Variants in KLB observed in about 807,000 individuals in gnomAD.
KLB encodes klotho beta.
Under a neutral mutation model 88.4 loss-of-function variants are expected in KLB, and 44 were observed. The ratio of observed to expected loss-of-function variants is 0.50; its 90% CI spans 0.39 to 0.64. The LOEUF (loss-of-function observed/expected upper bound fraction) is 0.64. Ranked by LOEUF, KLB falls within the 30% of genes least tolerant of loss-of-function variation. The pLI is 0.00. For missense variants in KLB, 1,137 were observed against 1,304.8 expected, an observed-to-expected ratio of 0.87 and a Z score of 1.98; for synonymous variants, 548 against 513.4, an observed-to-expected ratio of 1.07 and a Z score of -0.91.
At chr4:39,441,803 T>TAAAG (rs1447273736) in intron 3 of KLB, 1 of 149,614 alleles carries the variant, frequency 6.7e-6, no homozygotes, top group African/African-American at 2.5e-5. Context: ...AATAAATAAA[T>TAAAG]AAATAAAGAT....
In KLB at chr4:39,451,160, A is replaced by T. The variant is rs2109850099; in HGVS notation, c.*2474A>T. On this transcript the variant is annotated 3_prime_UTR_variant, in exon 5 of 5. Coordinates refer to ENST00000257408, the MANE Select transcript of KLB (RefSeq NM_175737.4). ...TAAGCCATCATCGCACAAGAATCCAAAAACCCTTAAATTTTTTAACCACTG... is the reference window on the plus strand; with the variant it reads ...TAAGCCATCATCGCACAAGAATCCATAAACCCTTAAATTTTTTAACCACTG... The T allele has an allele frequency of 6.6e-6, 1 of 152,328 alleles. No individual in the cohort carries two copies. Among genetic ancestry groups the T allele is most frequent in the African/African-American group, 2.4e-5 (1 of 41,586 alleles). 9.4% of individuals were successfully genotyped at this position (152,328 alleles called of 1,614,324 possible). A position where few individuals can be genotyped will look rare whatever the true frequency, so the allele number is the denominator to read the frequency against.
At chr4:39,434,187 T>C in intron 1 of KLB, 23 bp from the exon 2 acceptor site, 1 of 1,576,176 alleles carries the variant, frequency 6.3e-7, no homozygotes, top group Non-Finnish European at 8.6e-7. Context: ...ACAACAAAGA[T>C]CAATAATATT....
chr4:39,420,994 CACATA>C (rs1176812913), intron 1 of KLB, among the ~76,000 whole-genome samples: 1 of 152,280 alleles, frequency 6.6e-6, no homozygotes, highest in Admixed American at 6.5e-5. Context: ...TATATATGTA[CACATA>C]ACATATACAT....
chr4:39,409,295 CTTT>C (rs59119086), intron 1 of KLB, among the ~76,000 whole-genome samples: 28,034 of 140,280 alleles, frequency 0.2, 2,619 homozygotes, highest in East Asian at 0.38. Flanking sequence ...TTTTAATTTT[CTTT>C]TTTTTTTTTT....
chr4:39,448,575 G>A lies in KLB; in HGVS notation c.3024G>A (p.Leu1008=). Residue 1008 remains leucine (L), a synonymous_variant, in exon 5 of 5, where the codon CTG becomes CTA. Coordinates refer to ENST00000257408, the MANE Select transcript of KLB (RefSeq NM_175737.4). The stretch of plus-strand genomic sequence containing the variant: ...TGGGTTGTTGCTTCTTCTCCACCCT[G>A]GTTCTACTCTTATCAATTGCCATTT... The part of the protein sequence containing the change: ...IFLGCCFFST[L]VLLLSIAIFQ... 1 of 1,614,116 alleles carries A rather than the reference G, an allele frequency of 6.2e-7. No individual in the cohort carries two copies. Among genetic ancestry groups the A allele is most frequent in the East Asian group, 2.2e-5 (1 of 44,878 alleles).
At chr4:39,448,245 C>T (rs1743805664) in intron 4 of KLB, 56 bp from the exon 5 acceptor site, 2 of 1,327,308 alleles carry the variant, frequency 1.5e-6, no homozygotes, top group South Asian at 3.1e-5. Flanking sequence ...TAAATTCTTC[C>T]TCAAAGATAC....
chr4:39,445,831 T>A (rs1329622325), intron 3 of KLB, among the ~76,000 whole-genome samples: 5 of 152,060 alleles, frequency 3.3e-5, no homozygotes, highest in East Asian at 1.9e-4. Context: ...CTGGATTTTT[T>A]AAATACAAGT....
chr4:39,426,745 T>C lies in KLB; in HGVS notation c.826-7465T>C, dbSNP rs531218694. On this transcript the variant is annotated intron_variant, in intron 1 of 4. Coordinates refer to ENST00000257408, the MANE Select transcript of KLB (RefSeq NM_175737.4). ...CTCTGTTGCCTGGGCTGGAGTGCAG[T>C]GGCATGATCATAGCTCATTGCAGCC... Among the ~76,000 whole-genome samples the C allele has an allele frequency of 1.1e-3, 173 of 152,088 alleles. 1 individual carries two copies. The highest frequency in any genetic ancestry group is 4.1e-3 in the African/African-American group (170 of 41,486).
chr4:39,436,336 G>A (rs573865207), intron 2 of KLB, among the ~76,000 whole-genome samples: 4 of 152,236 alleles, frequency 2.6e-5, no homozygotes, highest in South Asian at 2.1e-4. Flanking sequence ...GCATGGAACC[G>A]AGCCACGCCC....
chr4:39,433,040 C>T (rs1743396628), intron 1 of KLB, among the ~76,000 whole-genome samples: 1 of 152,046 alleles, frequency 6.6e-6, no homozygotes, highest in Non-Finnish European at 1.5e-5. Flanking sequence ...CCACCATGCC[C>T]AACTAAGTTT....
In KLB at chr4:39,447,002, G is replaced by C. The variant is rs192217362; in HGVS notation, c.2276G>C (p.Arg759Thr). 1.2e-6 allele frequency: 2 copies of C among 1,610,146 alleles called. No homozygotes were observed. The highest frequency in any genetic ancestry group is 4.5e-5 in the East Asian group (2 of 44,878). The change falls in exon 4 of 5, where the codon AGG (arginine) becomes ACG (threonine). Residue 759 changes from arginine to threonine, a missense_variant. Transcript: ENST00000257408. ...PANPYADSHW[R>T]AAERFLQFEI... ...AACCCCTATGCTGACTCGCACTGGAGGGCGGCCGAGCGCTTCCTGCAGTTC... is the reference window on the plus strand; with the variant it reads ...AACCCCTATGCTGACTCGCACTGGACGGCGGCCGAGCGCTTCCTGCAGTTC...
chr4:39,449,957 A>T lies in KLB; in HGVS notation c.*1271A>T, dbSNP rs1413684900. On this transcript the variant is annotated 3_prime_UTR_variant, in exon 5 of 5. Coordinates refer to ENST00000257408, the MANE Select transcript of KLB (RefSeq NM_175737.4). Reference sequence around the variant, plus strand: ...AAAAAAATAATAAAAATAAAAATAAAAGTAATTTCCAAAACCTCATCTCAT... The same window carrying T: ...AAAAAAATAATAAAAATAAAAATAATAGTAATTTCCAAAACCTCATCTCAT... 6.9e-6 allele frequency: 1 copy of T among 145,134 alleles called. No individual in the cohort carries two copies. Among genetic ancestry groups the T allele is most frequent in the Non-Finnish European group, 1.5e-5 (1 of 67,362 alleles). The allele number at this position is 145,134 out of a possible 1,614,324, so 9.0% of individuals were successfully genotyped here. A position where few individuals can be genotyped will look rare whatever the true frequency, so the allele number is the denominator to read the frequency against.
intron 1 of KLB, among the ~76,000 whole-genome samples, chr4:39,430,423 C>T (rs533741813): frequency 2.8e-4 from 16 of 56,806 alleles, no homozygotes; most frequent in African/African-American, 6.7e-4. Context: ...AAAAAAAAAG[C>T]GGTTCTCAAG....
At chr4:39,414,871 GAA>G (rs1009834880) in intron 1 of KLB, among the ~76,000 whole-genome samples, 5 of 50,282 alleles carry the variant, frequency 9.9e-5, no homozygotes, top group Admixed American at 2.3e-4. Context: ...TCTGTCTCAG[GAA>G]AAAAAAAAAA....
chr4:39,450,819 A>G lies in KLB; in HGVS notation c.*2133A>G, dbSNP rs544472801. ...CTCCAGGGAAAATTCTTTAATGTCA[A>G]CTGGGCAACTCATTAACCTCTCTTT... is the stretch of plus-strand genomic sequence containing the variant. On this transcript the variant is annotated 3_prime_UTR_variant, in exon 5 of 5. Coordinates refer to ENST00000257408, the MANE Select transcript of KLB (RefSeq NM_175737.4). The G allele has an allele frequency of 1.3e-5, 2 of 150,842 alleles. No individual in the cohort carries two copies. The highest frequency in any genetic ancestry group is 2.1e-4 in the South Asian group (1 of 4,762). The allele number at this position is 150,842 out of a possible 1,614,324, so 9.3% of individuals were successfully genotyped here. A position where few individuals can be genotyped will look rare whatever the true frequency, so the allele number is the denominator to read the frequency against.
In KLB at chr4:39,434,397, G is replaced by A; in HGVS notation, c.1013G>A (p.Gly338Asp). Reference protein sequence around the residue: ...GWFANPIHGDGDYPEGMRKKL... With the variant: ...GWFANPIHGDDDYPEGMRKKL... ...TTTGCCAACCCTATCCATGGGGATG[G>A]CGACTATCCAGAGGGGATGAGAAAG... is the stretch of plus-strand genomic sequence containing the variant. The change falls in exon 2 of 5, where the codon GGC becomes GAC. Residue 338 changes from glycine to aspartate, a missense_variant. By Grantham distance (94) the Gly-to-Asp change is moderately conservative (BLOSUM62 -1). Around this residue, in one of 4 missense-constraint regions of KLB, gnomAD observed 597 missense variants for 765.2 expected, o/e 0.78. Coordinates refer to ENST00000257408, the MANE Select transcript of KLB (RefSeq NM_175737.4). 6.2e-7 allele frequency: 1 copy of A among 1,614,142 alleles called. No individual in the cohort carries two copies. Among genetic ancestry groups the A allele is most frequent in the South Asian group, 1.1e-5 (1 of 91,074 alleles).
At chr4:39,432,816 C>T (rs1427006900) in intron 1 of KLB, among the ~76,000 whole-genome samples, 1 of 152,050 alleles carries the variant, frequency 6.6e-6, no homozygotes, top group African/African-American at 2.4e-5. Flanking sequence ...CTCCTACGTG[C>T]TCTATTCTGT....
In KLB at chr4:39,407,194, C is replaced by G; in HGVS notation, c.245C>G (p.Pro82Arg). The change falls in exon 1 of 5, where the codon CCT (proline) becomes CGT (arginine). Residue 82 changes from proline (P) to arginine (R), a missense_variant. Pro to Arg is a moderately radical substitution (Grantham distance 103). This residue lies in a region of KLB where 111 missense variants were observed against 118.3 expected (regional missense o/e 0.94). Transcript: ENST00000257408. ...ESQLFLYDTF[P>R]KNFFWGIGTG... ...CAGCTGTTTCTCTATGACACTTTCC[C>G]TAAAAACTTTTTCTGGGGTATTGGG... 1 of 1,614,098 alleles carries G rather than the reference C, an allele frequency of 6.2e-7. No individual in the cohort carries two copies. The highest frequency in any genetic ancestry group is 8.5e-7 in the Non-Finnish European group (1 of 1,179,996).
At chr4:39,423,674 A>G (rs1743136024) in intron 1 of KLB, among the ~76,000 whole-genome samples, 2 of 151,752 alleles carry the variant, frequency 1.3e-5, no homozygotes, top group South Asian at 4.1e-4. Context: ...GCTGATCCAT[A>G]ATAGGCATTC....
Sources: gnomAD v4.1 joint callset for allele counts (sites outside exome capture counted in the v4.1 genomes callset) on GRCh38, gnomAD v4.1.1 for gene constraint, gnomAD v4.1.1 regional missense constraint, MANE v1.5 for transcripts, NCBI Gene and HGNC (gene_info 2026-07-23, HGNC 2026-07-21) for gene names.